Variants in FSHR observed in about 807,000 individuals in gnomAD.
The protein encoded by FSHR is follicle-stimulating hormone receptor.
A neutral mutation model predicts 52.1 loss-of-function variants in FSHR; 46 were observed. The observed-to-expected ratio is 0.88, with a 90% CI of 0.70 to 1.13. FSHR has a LOEUF of 1.13. Among genes scored for constraint, FSHR ranks in the 50% most tolerant of loss-of-function variants. The pLI, the probability that FSHR is intolerant of heterozygous loss-of-function variation, is 0.00. For synonymous variants in FSHR, 399 were observed against 309.6 expected, an observed-to-expected ratio of 1.29 and a Z score of -3.03; for missense variants, 964 against 834.6, an observed-to-expected ratio of 1.16 and a Z score of -1.91.
chr2:49,125,199 T>C (rs983424117), intron 1 of FSHR, among the ~76,000 whole-genome samples: 1 of 152,210 alleles, frequency 6.6e-6, no homozygotes, highest in East Asian at 1.9e-4. Flanking sequence ...TTTAGTAGCA[T>C]ACATCATCAT....
chr2:49,066,768 A>G (rs1188486866), intron 2 of FSHR, among the ~76,000 whole-genome samples: 2 of 152,092 alleles, frequency 1.3e-5, no homozygotes, highest in Admixed American at 6.6e-5. Context: ...CACTTGCTGG[A>G]TTAAACTTGA....
In FSHR at chr2:49,029,323, AAAC is replaced by A. The variant is rs1032783706; in HGVS notation, c.225-9166_225-9164del. Among the ~76,000 whole-genome samples the A allele has an allele frequency of 7.9e-5, 12 of 152,322 alleles. 1 individual carries two copies. The highest frequency in any genetic ancestry group is 2.4e-4 in the African/African-American group (10 of 41,570). ...TCCCTTTTTCAACTGTTTCGTGAAA[AAAC>A]AACAACAAAACTTGGCATGCTAGAA... is the stretch of plus-strand genomic sequence containing the variant. On this transcript the variant is annotated intron_variant, in intron 2 of 9. Coordinates refer to ENST00000406846, the MANE Select transcript of FSHR (RefSeq NM_000145.4).
At chr2:49,117,085 T>C (rs926490885) in intron 1 of FSHR, among the ~76,000 whole-genome samples, 3 of 152,200 alleles carry the variant, frequency 2.0e-5, no homozygotes, top group Non-Finnish European at 2.9e-5. Flanking sequence ...AGAATTGTTA[T>C]AGGCCTGGTT....
chr2:49,048,590 C>T (rs1008003091), intron 2 of FSHR, among the ~76,000 whole-genome samples: 3 of 152,198 alleles, frequency 2.0e-5, no homozygotes, highest in African/African-American at 4.8e-5. Context: ...GTGCATATTA[C>T]GTGTTTATAA....
At chr2:49,016,529 G>T (rs970987383) in intron 4 of FSHR, among the ~76,000 whole-genome samples, 2 of 152,148 alleles carry the variant, frequency 1.3e-5, no homozygotes, top group African/African-American at 4.8e-5. Context: ...TCTTAGAGGA[G>T]GGCTGAGTCA....
chr2:49,089,275 T>C (rs1670511893), intron 1 of FSHR, among the ~76,000 whole-genome samples: 2 of 152,170 alleles, frequency 1.3e-5, no homozygotes, highest in Non-Finnish European at 2.9e-5. Flanking sequence ...AATGAAAGCA[T>C]TTTCTTTTCA....
intron 1 of FSHR, among the ~76,000 whole-genome samples, chr2:49,145,231 C>T (rs953980443): frequency 2.0e-5 from 3 of 152,154 alleles, no homozygotes; most frequent in African/African-American, 4.8e-5. Context: ...CCTCCTTTAT[C>T]CAAACTGAAA....
At chr2:48,971,668 G>A (rs984291501) in intron 8 of FSHR, among the ~76,000 whole-genome samples, 4 of 151,950 alleles carry the variant, frequency 2.6e-5, no homozygotes, top group Non-Finnish European at 4.4e-5. Context: ...TTGCTTCTTT[G>A]TTCTATCACT....
At chr2:48,997,268 A>G (rs997566264) in intron 4 of FSHR, 4 of 984,924 alleles carry the variant, frequency 4.1e-6, no homozygotes, top group Non-Finnish European at 3.6e-6. Context: ...TGCCTTTTCG[A>G]TCTCACATTT....
chr2:49,037,855 G>A (rs1668326464), intron 2 of FSHR, among the ~76,000 whole-genome samples: 1 of 152,016 alleles, frequency 6.6e-6, no homozygotes, highest in Non-Finnish European at 1.5e-5. Context: ...GATGAAAGAG[G>A]AAGAGGATAA....
intron 6 of FSHR, among the ~76,000 whole-genome samples, chr2:48,986,213 A>AC (rs1249717455): frequency 4.6e-5 from 7 of 152,130 alleles, no homozygotes; most frequent in African/African-American, 1.7e-4. Flanking sequence ...ACAAGAGTGA[A>AC]CATATGGTAT....
chr2:49,006,804 A>G (rs540762230), intron 4 of FSHR, among the ~76,000 whole-genome samples: 6 of 152,238 alleles, frequency 3.9e-5, no homozygotes, highest in East Asian at 1.9e-4. Flanking sequence ...GATATCTCCT[A>G]TATCTCACAC....
intron 1 of FSHR, among the ~76,000 whole-genome samples, chr2:49,115,946 A>G (rs1671582498): frequency 6.6e-6 from 1 of 152,144 alleles, no homozygotes; most frequent in African/African-American, 2.4e-5. Context: ...GGGGACTTGA[A>G]GCTTTCTGAG....
At chr2:49,038,624 C>CAAAAAAA (rs71401003) in intron 2 of FSHR, among the ~76,000 whole-genome samples, 1 of 65,444 alleles carries the variant, frequency 1.5e-5, no homozygotes, top group African/African-American at 5.9e-5. Context: ...GACTCTGTCT[C>CAAAAAAA]AAAATAATAA....
At chr2:48,973,937 C>CAGACATTATTGAG (rs61107875) in intron 8 of FSHR, among the ~76,000 whole-genome samples, 27,425 of 151,906 alleles carry the variant, frequency 0.18, 3,000 homozygotes, top group African/African-American at 0.31. Context: ...GCCCTGAGAG[C>CAGACATTATTGAG]AGGCTTTTGT....
intron 1 of FSHR, among the ~76,000 whole-genome samples, chr2:49,116,685 C>G (rs1225821497): frequency 1.3e-5 from 2 of 152,082 alleles, no homozygotes; most frequent in African/African-American, 4.8e-5. Flanking sequence ...CCACAGTTTG[C>G]TACCATTATT....
rs1330819765 is a variant in FSHR at position 48,962,901 on chromosome 2, C to G, written c.1920G>C (p.Leu640=). 1 of 1,614,066 alleles carries G rather than the reference C, an allele frequency of 6.2e-7. No individual in the cohort carries two copies. Among genetic ancestry groups the G allele is most frequent in the Non-Finnish European group, 8.5e-7 (1 of 1,179,996 alleles). ...TTTCATAGCAGCCACACTTGCTCAG[C>G]AGAATGAAGAAATCTCTGCGAAAGT... The part of the protein sequence containing the change: ...TKNFRRDFFI[L]LSKCGCYEMQ... The change falls in exon 10 of 10, where the codon CTG becomes CTC. Residue 640 remains leucine, a synonymous_variant. Transcript: ENST00000406846.
At chr2:48,983,244 G>T in intron 6 of FSHR, 78 bp from the exon 7 acceptor site, 2 of 1,350,520 alleles carry the variant, frequency 1.5e-6, no homozygotes, top group Non-Finnish European at 2.1e-6. Flanking sequence ...GAAGCACTGA[G>T]CAAGGGCAGA....
intron 2 of FSHR, among the ~76,000 whole-genome samples, chr2:49,037,896 G>T (rs1266843257): frequency 6.6e-6 from 1 of 151,990 alleles, no homozygotes; most frequent in Non-Finnish European, 1.5e-5. Flanking sequence ...CTAGAACTGA[G>T]GAAAGGCTGC....
Sources: allele counts gnomAD v4.1 joint callset (sites outside exome capture counted in the v4.1 genomes callset), GRCh38; gene constraint gnomAD v4.1.1; transcripts MANE v1.5; gene names NCBI Gene and HGNC (gene_info 2026-07-23, HGNC 2026-07-21).